The following FMN2 variants were observed in gnomAD, a reference collection of about 807,000 sequenced individuals.
FMN2 encodes formin 2.
FMN2 carries 51 observed loss-of-function variants against 142.3 expected under a neutral mutation model. The ratio of observed to expected loss-of-function variants is 0.36; its 90% CI spans 0.29 to 0.45. The LOEUF is 0.45. Among genes scored for constraint, FMN2 ranks in the 20% least tolerant of loss-of-function variants. The probability of loss-of-function intolerance (pLI) is 1.00; values close to 1 mark genes in which losing one functional copy is unlikely to be tolerated. For missense variants in FMN2, 1,936 were observed against 2,122.8 expected (o/e 0.91, Z 1.73); for synonymous variants, 882 against 869.8 (o/e 1.01, Z -0.25).
chr1:240,358,306 T>A (rs746963844), intron 14 of FMN2, among the ~76,000 whole-genome samples: 26 of 152,180 alleles, frequency 1.7e-4, no homozygotes, highest in Middle Eastern at 3.4e-3. Context: ...CAACAGAAAA[T>A]TTTTTGGAAA....
chr1:240,249,502 C>T (rs1020032194), intron 6 of FMN2, among the ~76,000 whole-genome samples: 4 of 151,880 alleles, frequency 2.6e-5, no homozygotes, highest in African/African-American at 9.7e-5. Context: ...TTACTATAAC[C>T]TTGTAATATA....
intron 14 of FMN2, among the ~76,000 whole-genome samples, chr1:240,356,588 A>G (rs747316404): frequency 6.6e-6 from 1 of 152,206 alleles, no homozygotes; most frequent in Non-Finnish European, 1.5e-5. Flanking sequence ...ACTTATAATT[A>G]TATCAAAGCA....
At chr1:240,095,503 A>G (rs751090101) in intron 1 of FMN2, among the ~76,000 whole-genome samples, 1 of 152,178 alleles carries the variant, frequency 6.6e-6, no homozygotes, top group Non-Finnish European at 1.5e-5. Flanking sequence ...AGACCATTAA[A>G]TCATGATTTT....
At chr1:240,440,221 C>A (rs1675564198) in intron 16 of FMN2, among the ~76,000 whole-genome samples, 1 of 152,098 alleles carries the variant, frequency 6.6e-6, no homozygotes, top group Non-Finnish European at 1.5e-5. Context: ...TAGCATAGAC[C>A]AGAATATAAG....
intron 14 of FMN2, among the ~76,000 whole-genome samples, chr1:240,383,896 A>G: frequency 6.6e-6 from 1 of 151,568 alleles, no homozygotes; most frequent in East Asian, 1.9e-4. Context: ...AAATATATAT[A>G]TATATATTCT....
intron 14 of FMN2, among the ~76,000 whole-genome samples, chr1:240,367,457 G>A (rs1572236820): frequency 6.6e-6 from 1 of 152,030 alleles, no homozygotes; most frequent in East Asian, 1.9e-4. Flanking sequence ...TCTTGATGGT[G>A]CATAATTTTT....
intron 13 of FMN2, 44 bp from the exon 14 acceptor site, chr1:240,355,772 C>A: frequency 7.1e-7 from 1 of 1,412,110 alleles, no homozygotes; most frequent in Non-Finnish European, 9.9e-7. Flanking sequence ...CTTAATGCTC[C>A]ACTAACAGTG....
rs1368582203 is a variant in FMN2, at chr1:240,098,168, C to G, written c.1615+4444C>G. Among the ~76,000 whole-genome samples the G allele has an allele frequency of 3.7e-5, 5 of 136,300 alleles. No homozygotes were observed. The Admixed American group carries it at 4.1e-4, about 11-fold the overall frequency. 89.4% of individuals were successfully genotyped at this position (136,300 alleles called of 152,430 possible). A position where few individuals can be genotyped will look rare whatever the true frequency, so the allele number is the denominator to read the frequency against. ...CAAGGCTGGAATGAAGTGGCGTGATCTTGGCTCACTGCAACCTCCGCCCAC... is the reference window on the plus strand; with the variant it reads ...CAAGGCTGGAATGAAGTGGCGTGATGTTGGCTCACTGCAACCTCCGCCCAC... On this transcript the variant is annotated intron_variant, in intron 1 of 17. Transcript: ENST00000319653.
intron 4 of FMN2, among the ~76,000 whole-genome samples, chr1:240,199,807 T>C (rs2103369526): frequency 6.6e-6 from 1 of 152,312 alleles, no homozygotes; most frequent in South Asian, 2.1e-4. Flanking sequence ...AAAAATAGAT[T>C]TAACCTTCCT....
At position 240,330,698 on chromosome 1, in the gene FMN2, A is replaced by C; in HGVS notation, c.4533A>C (p.Ala1511=). The C allele has an allele frequency of 6.2e-7, 1 of 1,614,062 alleles. No individual in the cohort carries two copies. Among genetic ancestry groups the C allele is most frequent in the Non-Finnish European group, 8.5e-7 (1 of 1,179,936 alleles). ...GAGGAAATAAGACTCGAGGACAGGC[A>C]GATGGCTTTGGATTAGACATTCTTC... The part of the protein sequence containing the change: ...MNGGNKTRGQ[A]DGFGLDILPK... The change falls in exon 11 of 18, where the codon GCA becomes GCC. Residue 1511 remains alanine (A), a synonymous_variant. Transcript: ENST00000319653.
chr1:240,298,468 A>ATCAGGG (rs1670070214), intron 8 of FMN2, among the ~76,000 whole-genome samples: 1 of 152,206 alleles, frequency 6.6e-6, no homozygotes, highest in South Asian at 2.1e-4. Context: ...CGTCCTGTAT[A>ATCAGGG]TCAGGGGTCC....
intron 2 of FMN2, chr1:240,145,136 CT>C: frequency 6.7e-7 from 1 of 1,484,504 alleles, no homozygotes. Context: ...ACGAATCTGC[CT>C]TCGCATTTCC....
chr1:240,158,398 G>A (rs1664124279), intron 2 of FMN2, among the ~76,000 whole-genome samples: 1 of 152,034 alleles, frequency 6.6e-6, no homozygotes, highest in Non-Finnish European at 1.5e-5. Flanking sequence ...CATTATTGAT[G>A]TTATATAATT....
chr1:240,382,477 A>C (rs988411910), intron 14 of FMN2, among the ~76,000 whole-genome samples: 1 of 152,108 alleles, frequency 6.6e-6, no homozygotes, highest in African/African-American at 2.4e-5. Flanking sequence ...CCTGGCCAAC[A>C]TGGTGAAACC....
chr1:240,239,855 A>C (rs1243291099), intron 6 of FMN2, among the ~76,000 whole-genome samples: 1 of 152,214 alleles, frequency 6.6e-6, no homozygotes. Flanking sequence ...CTGAATATTT[A>C]ACATTTTCTC....
intron 7 of FMN2, among the ~76,000 whole-genome samples, chr1:240,269,723 T>C (rs1309952315): frequency 6.6e-6 from 1 of 152,024 alleles, no homozygotes; most frequent in African/African-American, 2.4e-5. Flanking sequence ...ATTTTTTTCA[T>C]CAATGTTTTA....
chr1:240,374,274 C>G (rs529460579), intron 14 of FMN2, among the ~76,000 whole-genome samples: 1 of 152,174 alleles, frequency 6.6e-6, no homozygotes, highest in Non-Finnish European at 1.5e-5. Context: ...AATGATCAAT[C>G]AGCACTCACT....
At chr1:240,202,689 C>A (rs1666172420) in intron 4 of FMN2, among the ~76,000 whole-genome samples, 1 of 152,110 alleles carries the variant, frequency 6.6e-6, no homozygotes, top group African/African-American at 2.4e-5. Flanking sequence ...GTCTCGAACT[C>A]CTGGCTTCAA....
chr1:240,271,587 T>C (rs1378559165), intron 7 of FMN2, among the ~76,000 whole-genome samples: 6 of 151,908 alleles, frequency 3.9e-5, no homozygotes, highest in Non-Finnish European at 8.8e-5. Context: ...CTAAATGCTG[T>C]TGGGAGGTTT....
Sources: gnomAD v4.1 joint callset for allele counts (sites outside exome capture counted in the v4.1 genomes callset) on GRCh38, gnomAD v4.1.1 for gene constraint, MANE v1.5 for transcripts, NCBI Gene and HGNC (gene_info 2026-07-23, HGNC 2026-07-21) for gene names.